Variants in RUSC2 observed in about 807,000 individuals in gnomAD.
RUSC2 encodes AP-4 complex accessory subunit RUSC2.
RUSC2 carries 34 observed loss-of-function variants against 122.2 expected under a neutral mutation model. The ratio of observed to expected loss-of-function variants is 0.28; its 90% CI spans 0.21 to 0.37. RUSC2 has a LOEUF of 0.37. Ranked by LOEUF, RUSC2 falls within the 10% of genes least tolerant of loss-of-function variation. The pLI is 1.00. For missense variants in RUSC2, 1,747 were observed against 1,952.4 expected (o/e 0.89, Z 1.98); for synonymous variants, 784 against 790.0 (o/e 0.99, Z 0.13).
intron 1 of RUSC2, among the ~76,000 whole-genome samples, chr9:35,539,345 T>C (rs1587856750): frequency 1.3e-5 from 2 of 152,268 alleles, no homozygotes; most frequent in African/African-American, 4.8e-5. Context: ...ATGCCATTTA[T>C]GCTATTTTGT....
Position 35,548,482 on chromosome 9 carries a change from C to T in RUSC2, c.1961C>T (p.Pro654Leu), listed in dbSNP as rs3750427. Residue 654 changes from proline (P) to leucine (L), a missense_variant, in exon 2 of 12, where the codon CCA (proline) becomes CTA (leucine). By Grantham distance (98) the Pro-to-Leu change is moderately conservative. Coordinates refer to ENST00000361226, the MANE Select transcript of RUSC2 (RefSeq NM_014806.5). The surrounding 1 kb of genome is among the most constrained non-coding windows in gnomAD (Gnocchi z 4.5). ...AQLMDPGPAL[P>L]GSPANSHTQR... Reference sequence around the variant, plus strand: ...CTGATGGATCCAGGGCCTGCTCTCCCAGGGAGCCCAGCCAACAGCCATACC... The same window carrying T: ...CTGATGGATCCAGGGCCTGCTCTCCTAGGGAGCCCAGCCAACAGCCATACC... 745 of 1,613,780 alleles carry T rather than the reference C, an allele frequency of 4.6e-4. 6 individuals carry two copies. In the East Asian group the frequency reaches 0.016, roughly 34 times the overall value.
intron 1 of RUSC2, among the ~76,000 whole-genome samples, chr9:35,535,906 A>G (rs930102223): frequency 2.6e-5 from 4 of 152,314 alleles, no homozygotes; most frequent in South Asian, 2.1e-4. Context: ...GACACCTTCT[A>G]TATGCCAAGC....
Position 35,542,598 on chromosome 9 carries a change from C to T in RUSC2, c.-92-3832C>T, listed in dbSNP as rs552049384. Among the ~76,000 whole-genome samples, 12 of 152,304 alleles carry T rather than the reference C, an allele frequency of 7.9e-5. No homozygotes were observed. The South Asian group carries it at 1.2e-3, about 16-fold the overall frequency. On this transcript the variant is annotated intron_variant, in intron 1 of 11. Coordinates refer to ENST00000361226, the MANE Select transcript of RUSC2 (RefSeq NM_014806.5). ...TATAATTCAATCATAAAAAGACTAACAACTCAGGTTATTTTAATGGGAAAA... is the reference window on the plus strand; with the variant it reads ...TATAATTCAATCATAAAAAGACTAATAACTCAGGTTATTTTAATGGGAAAA...
At chr9:35,559,395 C>T in intron 9 of RUSC2, 123 bp downstream of exon 9, 3 of 840,404 alleles carry the variant, frequency 3.6e-6, no homozygotes, top group Non-Finnish European at 6.0e-6. Flanking sequence ...CGTTCATCCT[C>T]AGAGCCTCAG....
In RUSC2 at chr9:35,547,676, C is replaced by G. The variant is rs1260901670; in HGVS notation, c.1155C>G (p.Ser385Arg). ...CTGACCTCACAGCCTGCTTCCAAAG[C>G]CAGGCCCGTCTTGTTGTGGCCACAC... is the stretch of plus-strand genomic sequence containing the variant. ...AVADLTACFQ[S>R]QARLVVATQN... Residue 385 changes from serine (S) to arginine (R), a missense_variant, in exon 2 of 12, where the codon AGC (serine) becomes AGG (arginine). Physicochemically the swap from Ser to Arg is moderately radical, Grantham distance 110. Coordinates refer to ENST00000361226, the MANE Select transcript of RUSC2 (RefSeq NM_014806.5). The surrounding 1 kb of genome is among the most constrained non-coding windows in gnomAD (Gnocchi z 4.6). 2 of 1,614,190 alleles carry G rather than the reference C, an allele frequency of 1.2e-6. No homozygotes were observed. The highest frequency in any genetic ancestry group is 2.2e-5 in the East Asian group (1 of 44,882).
intron 1 of RUSC2, among the ~76,000 whole-genome samples, chr9:35,495,253 T>C (rs973528682): frequency 9.9e-6 from 1 of 101,456 alleles, no homozygotes; most frequent in Non-Finnish European, 2.0e-5. Context: ...ATATATAATA[T>C]ATAAAATATA....
rs1822186283 is a variant in RUSC2 at position 35,561,784 on chromosome 9, C to T, written c.*402C>T. ...CCTAAGCCCCCCAGCTGTAAATAGG[C>T]TGTGGCCAGTGCCTGGTCATCAGAA... On this transcript the variant is annotated 3_prime_UTR_variant, in exon 12 of 12. Transcript: ENST00000361226. 1 of 568,896 alleles carries T rather than the reference C, an allele frequency of 1.8e-6. No individual in the cohort carries two copies. The highest frequency in any genetic ancestry group is 1.9e-5 in the African/African-American group (1 of 53,456). The allele number at this position is 568,896 out of a possible 1,614,324, so 35.2% of individuals were successfully genotyped here.
intron 1 of RUSC2, among the ~76,000 whole-genome samples, chr9:35,532,629 C>T (rs1821442868): frequency 6.6e-6 from 1 of 151,832 alleles, no homozygotes; most frequent in Non-Finnish European, 1.5e-5. Context: ...ACCTGTAATC[C>T]CAGCTACTTG....
chr9:35,537,917 C>T (rs2132539031), intron 1 of RUSC2, among the ~76,000 whole-genome samples: 1 of 152,336 alleles, frequency 6.6e-6, no homozygotes, highest in East Asian at 1.9e-4. Flanking sequence ...GTACAACTGG[C>T]TCTAGCTGCA....
chr9:35,541,437 G>A (rs1821640261), intron 1 of RUSC2, among the ~76,000 whole-genome samples: 1 of 151,492 alleles, frequency 6.6e-6, no homozygotes, highest in African/African-American at 2.4e-5. Flanking sequence ...GGTGTCATAT[G>A]TACAGTTTAC....
chr9:35,525,347 G>A (rs1343128202), intron 1 of RUSC2, among the ~76,000 whole-genome samples: 1 of 152,194 alleles, frequency 6.6e-6, no homozygotes, highest in Non-Finnish European at 1.5e-5. Flanking sequence ...AGAGTCGAAT[G>A]CAGTTCCACT....
intron 2 of RUSC2, among the ~76,000 whole-genome samples, chr9:35,550,498 C>T (rs1334330761): frequency 2.7e-5 from 4 of 150,830 alleles, no homozygotes; most frequent in African/African-American, 7.3e-5. Context: ...TGGTGGTGCA[C>T]GCCTGTAATC....
At chr9:35,505,734 A>G (rs961484452) in intron 1 of RUSC2, among the ~76,000 whole-genome samples, 6 of 152,304 alleles carry the variant, frequency 3.9e-5, no homozygotes, top group Non-Finnish European at 5.9e-5. Flanking sequence ...TAATACTGTA[A>G]TGATTGTACT....
At chr9:35,492,047 T>G (rs1048047890) in intron 1 of RUSC2, among the ~76,000 whole-genome samples, 1 of 152,156 alleles carries the variant, frequency 6.6e-6, no homozygotes, top group Non-Finnish European at 1.5e-5. Context: ...CAATACAATT[T>G]TTTTTTAACA....
intron 1 of RUSC2, among the ~76,000 whole-genome samples, chr9:35,542,251 G>GA (rs1239512161): frequency 4.6e-5 from 7 of 152,266 alleles, no homozygotes; most frequent in South Asian, 4.1e-4. Flanking sequence ...ATCAATCAGT[G>GA]AAAGAGCTTG....
At chr9:35,529,538 A>C (rs1821381991) in intron 1 of RUSC2, among the ~76,000 whole-genome samples, 1 of 150,346 alleles carries the variant, frequency 6.7e-6, no homozygotes, top group South Asian at 2.1e-4. Flanking sequence ...TAGATGTGAC[A>C]GTCAGTCTGT....
intron 1 of RUSC2, among the ~76,000 whole-genome samples, chr9:35,541,910 A>C (rs553498831): frequency 1.5e-4 from 23 of 148,666 alleles, no homozygotes; most frequent in African/African-American, 5.1e-4. Flanking sequence ...AATTTTTTTA[A>C]ATTATTTTTA....
intron 1 of RUSC2, among the ~76,000 whole-genome samples, chr9:35,539,302 T>C (rs1472744888): frequency 6.6e-6 from 1 of 152,134 alleles, no homozygotes; most frequent in Non-Finnish European, 1.5e-5. Context: ...TGGGCTATGG[T>C]GCAGAGATGG....
At chr9:35,497,646 A>G (rs1820745377) in intron 1 of RUSC2, among the ~76,000 whole-genome samples, 1 of 152,224 alleles carries the variant, frequency 6.6e-6, no homozygotes, top group Non-Finnish European at 1.5e-5. Flanking sequence ...TGATTAAAAC[A>G]TTAACTGCAG....
Sources: gnomAD v4.1 joint callset for allele counts (sites outside exome capture counted in the v4.1 genomes callset) on GRCh38, gnomAD v4.1.1 for gene constraint, Gnocchi (gnomAD v3.1) non-coding constraint, MANE v1.5 for transcripts, NCBI Gene and HGNC (gene_info 2026-07-23, HGNC 2026-07-21) for gene names.